Variants in CALN1 observed in about 807,000 individuals in gnomAD.
CALN1 encodes calneuron 1, also known as calcium-binding protein 8.
Under a neutral mutation model 30.6 loss-of-function variants are expected in CALN1, and 17 were observed. That is an observed-to-expected ratio of 0.56 (90% CI 0.38 to 0.83). The LOEUF (loss-of-function observed/expected upper bound fraction) is 0.83. CALN1 is among the 40% of genes least tolerant of loss of function. The probability of loss-of-function intolerance (pLI) is 0.00; values close to 1 mark genes in which losing one functional copy is unlikely to be tolerated. For missense variants in CALN1, 291 were observed against 354.9 expected (o/e 0.82, Z 1.45); for synonymous variants, 156 against 131.4 (o/e 1.19, Z -1.28).
At chr7:72,270,132 G>A (rs1384628389) in intron 3 of CALN1, among the ~76,000 whole-genome samples, 1 of 151,674 alleles carries the variant, frequency 6.6e-6, no homozygotes. Context: ...TGTGTGTTGA[G>A]AGAGAGAAAA....
chr7:72,330,369 G>A (rs1801582637), intron 2 of CALN1, among the ~76,000 whole-genome samples: 1 of 151,296 alleles, frequency 6.6e-6, no homozygotes, highest in Non-Finnish European at 1.5e-5. Context: ...CCGGAAGGCT[G>A]AGGCAGAAGA....
At chr7:72,128,521 T>C (rs1808924392) in intron 3 of CALN1, among the ~76,000 whole-genome samples, 1 of 152,072 alleles carries the variant, frequency 6.6e-6, no homozygotes, top group African/African-American at 2.4e-5. Flanking sequence ...TAAGAGTGAA[T>C]AAGGGAGGAA....
At chr7:71,831,882 A>C (rs1466270468) in intron 5 of CALN1, among the ~76,000 whole-genome samples, 4 of 149,338 alleles carry the variant, frequency 2.7e-5, no homozygotes, top group Admixed American at 6.7e-5. Context: ...AAAAAAAAAA[A>C]AAAAAAAAAA....
intron 4 of CALN1, among the ~76,000 whole-genome samples, chr7:72,050,920 AG>A (rs1229059161): frequency 6.6e-6 from 1 of 151,912 alleles, no homozygotes; most frequent in Non-Finnish European, 1.5e-5. Context: ...TGAACCCAGG[AG>A]GTGGAGGTTG....
At chr7:72,442,384 T>C (rs1455460046) in intron 1 of CALN1, among the ~76,000 whole-genome samples, 1 of 152,228 alleles carries the variant, frequency 6.6e-6, no homozygotes, top group Admixed American at 6.5e-5. Context: ...GCTGCCACCT[T>C]TATTTATTCA....
intron 3 of CALN1, among the ~76,000 whole-genome samples, chr7:72,262,226 A>G (rs1796315101): frequency 6.6e-6 from 1 of 152,184 alleles, no homozygotes; most frequent in South Asian, 2.1e-4. Context: ...AAGGAGATCT[A>G]TGGACACGTT....
At chr7:72,459,126 A>T in the CALN1 span, among the ~76,000 whole-genome samples, 1 of 151,514 alleles carries the variant, frequency 6.6e-6, no homozygotes, top group South Asian at 2.1e-4. Context: ...CTGGTCTCAA[A>T]CTCTCGACCT....
chr7:72,351,680 CAA>C (rs1391729313), intron 2 of CALN1, among the ~76,000 whole-genome samples: 1 of 151,434 alleles, frequency 6.6e-6, no homozygotes, highest in Non-Finnish European at 1.5e-5. Flanking sequence ...CCCCAGAACA[CAA>C]AGAGATACAG....
chr7:72,104,547 C>T (rs1030194171), intron 4 of CALN1, among the ~76,000 whole-genome samples: 12 of 152,130 alleles, frequency 7.9e-5, no homozygotes, highest in Admixed American at 2.0e-4. Flanking sequence ...CCAATGCTCT[C>T]CCTCCCCACC....
At chr7:71,956,242 C>A (rs1292622235) in intron 5 of CALN1, among the ~76,000 whole-genome samples, 1 of 152,080 alleles carries the variant, frequency 6.6e-6, no homozygotes, top group African/African-American at 2.4e-5. Flanking sequence ...CACTCCTCAG[C>A]CTCCCAAAGT....
intron 2 of CALN1, among the ~76,000 whole-genome samples, chr7:72,389,322 C>T (rs570173429): frequency 6.6e-5 from 10 of 152,162 alleles, no homozygotes; most frequent in Non-Finnish European, 1.5e-4. Context: ...TAGAAGTTTC[C>T]TTTACTTCTG....
At chr7:72,372,779 C>A (rs1460676277) in intron 2 of CALN1, among the ~76,000 whole-genome samples, 2 of 151,872 alleles carry the variant, frequency 1.3e-5, no homozygotes, top group Non-Finnish European at 2.9e-5. Context: ...AAAATAAAAC[C>A]AAAAAAATTC....
chr7:72,017,178 A>G (rs1171981207), intron 5 of CALN1, among the ~76,000 whole-genome samples: 1 of 133,354 alleles, frequency 7.5e-6, no homozygotes, highest in Non-Finnish European at 1.7e-5. Context: ...ATTAAAAAAA[A>G]AAAAAAAAAA....
chr7:72,400,528 A>G (rs1385836950), intron 2 of CALN1, among the ~76,000 whole-genome samples: 1 of 152,142 alleles, frequency 6.6e-6, no homozygotes, highest in African/African-American at 2.4e-5. Context: ...CCAGAATCTG[A>G]TCAGTAAACT....
At chr7:72,024,815 C>A (rs1800949009) in intron 4 of CALN1, among the ~76,000 whole-genome samples, 2 of 152,322 alleles carry the variant, frequency 1.3e-5, no homozygotes, top group South Asian at 4.1e-4. Context: ...CTCCTTTACA[C>A]CTCTGCGTGC....
chr7:72,441,516 T>C (rs1808342221), intron 1 of CALN1, among the ~76,000 whole-genome samples: 1 of 149,046 alleles, frequency 6.7e-6, no homozygotes, highest in Non-Finnish European at 1.5e-5. Flanking sequence ...GAGAATCTCT[T>C]GAACCCAGGA....
intron 4 of CALN1, among the ~76,000 whole-genome samples, chr7:72,035,237 G>A (rs1322004721): frequency 6.6e-6 from 1 of 151,838 alleles, no homozygotes; most frequent in Non-Finnish European, 1.5e-5. Context: ...TTTTCTTCTT[G>A]CAAAACTGAA....
chr7:72,083,073 C>A (rs908534231), intron 4 of CALN1, among the ~76,000 whole-genome samples: 7 of 151,654 alleles, frequency 4.6e-5, no homozygotes, highest in East Asian at 2.0e-4. Context: ...TGGTGGCGGG[C>A]GCCTGTAATC....
At chr7:72,410,048 G>A (rs796584523) in intron 1 of CALN1, among the ~76,000 whole-genome samples, 9 of 151,460 alleles carry the variant, frequency 5.9e-5, no homozygotes, top group African/African-American at 1.7e-4. Context: ...CTTTCTTGAA[G>A]ATATCTTTTG....
Sources: gnomAD v4.1 joint callset for allele counts (sites outside exome capture counted in the v4.1 genomes callset) on GRCh38, gnomAD v4.1.1 for gene constraint, MANE v1.5 for transcripts, NCBI Gene and HGNC (gene_info 2026-07-23, HGNC 2026-07-21) for gene names.